The following SOCS7 variants were observed in gnomAD, a reference collection of about 807,000 sequenced individuals.
SOCS7 encodes the protein suppressor of cytokine signaling 7, also known as NAP-4.
A neutral mutation model predicts 58.9 loss-of-function variants in SOCS7; 18 were observed. The observed-to-expected ratio is 0.31, with a 90% confidence interval of 0.21 to 0.45. The LOEUF (loss-of-function observed/expected upper bound fraction) is 0.45. SOCS7 is among the 20% of genes least tolerant of loss of function. SOCS7 has a pLI of 1.00. For missense variants in SOCS7, 667 were observed against 837.3 expected (o/e 0.80, Z 2.51); for synonymous variants, 388 against 364.3 (o/e 1.06, Z -0.74).
intron 1 of SOCS7, among the ~76,000 whole-genome samples, chr17:38,355,182 C>T (rs777115173): frequency 6.6e-6 from 1 of 152,206 alleles, no homozygotes; most frequent in Non-Finnish European, 1.5e-5. Flanking sequence ...TCCGTGTAAA[C>T]TCCAACATCA....
intron 3 of SOCS7, 147 bp from the exon 4 acceptor site, chr17:38,365,161 G>C (rs1227602618): frequency 4.8e-6 from 3 of 619,640 alleles, no homozygotes; most frequent in African/African-American, 3.7e-5. Context: ...TAAGATGATT[G>C]TTGCCCTCTG....
chr17:38,352,091 G>A lies in SOCS7; in HGVS notation c.39G>A (p.Ala13=). The change falls in exon 1 of 10, where the codon GCG becomes GCA. Residue 13 remains alanine (A), a synonymous_variant. Coordinates refer to ENST00000612932, the MANE Select transcript of SOCS7 (RefSeq NM_014598.4). This position sits in a 1 kb window ranked among gnomAD's most constrained non-coding sequence, Gnocchi z 5.5. ...EAELRDGEAA[A]AAASYRVLSR... ...AGCTCCGGGATGGCGAGGCGGCGGC[G>A]GCGGCCGCTTCGTACCGCGTCCTGA... The A allele has an allele frequency of 1.8e-6, 1 of 543,306 alleles. No homozygotes were observed. The highest frequency in any genetic ancestry group is 2.7e-6 in the Non-Finnish European group (1 of 372,948). 33.7% of individuals were successfully genotyped at this position (543,306 alleles called of 1,614,324 possible). A position where few individuals can be genotyped will look rare whatever the true frequency, so the allele number is the denominator to read the frequency against.
chr17:38,390,640 TTTCCTTCC>T (rs60020052), intron 7 of SOCS7, among the ~76,000 whole-genome samples: 10,248 of 114,332 alleles, frequency 0.09, 573 homozygotes, highest in Admixed American at 0.12. Flanking sequence ...TTTTGTTCGT[TTTCCTTCC>T]TTCCTTCCTT....
At chr17:38,394,404 A>G (rs928103545) in intron 7 of SOCS7, among the ~76,000 whole-genome samples, 1 of 152,118 alleles carries the variant, frequency 6.6e-6, no homozygotes, top group Admixed American at 6.6e-5. Flanking sequence ...AGGTAGCTAA[A>G]CCTGATTATC....
At chr17:38,356,585 G>A (rs1488363855) in intron 1 of SOCS7, among the ~76,000 whole-genome samples, 2 of 151,848 alleles carry the variant, frequency 1.3e-5, no homozygotes, top group Non-Finnish European at 2.9e-5. Flanking sequence ...GGCTGGTCTC[G>A]AACTCCTGAG....
In SOCS7 at chr17:38,404,093, T is replaced by C. The variant is rs1453203627; in HGVS notation, c.*4611T>C. Reference sequence around the variant, plus strand: ...CCCTGTGGTAGACCCTGCTTTCACATTGGAGCCTTCACACTCAGCACAAAA... The same window carrying C: ...CCCTGTGGTAGACCCTGCTTTCACACTGGAGCCTTCACACTCAGCACAAAA... On this transcript the variant is annotated 3_prime_UTR_variant, in exon 10 of 10. Coordinates refer to ENST00000612932, the MANE Select transcript of SOCS7 (RefSeq NM_014598.4). 6.6e-6 allele frequency: 1 copy of C among 152,090 alleles called. No homozygotes were observed. The highest frequency in any genetic ancestry group is 1.5e-5 in the Non-Finnish European group (1 of 68,026). 9.4% of individuals were successfully genotyped at this position (152,090 alleles called of 1,614,324 possible).
chr17:38,363,038 C>T (rs1261496106), intron 2 of SOCS7, among the ~76,000 whole-genome samples: 1 of 151,960 alleles, frequency 6.6e-6, no homozygotes, highest in Non-Finnish European at 1.5e-5. Context: ...CGCTTGAACC[C>T]GAGAGGCTGA....
intron 1 of SOCS7, among the ~76,000 whole-genome samples, chr17:38,360,437 C>A (rs2037701713): frequency 6.6e-6 from 1 of 151,928 alleles, no homozygotes. Context: ...GTGATCTGCC[C>A]ACCTTGGCCT....
intron 7 of SOCS7, among the ~76,000 whole-genome samples, chr17:38,391,865 G>C (rs1372877972): frequency 1.3e-5 from 2 of 152,186 alleles, no homozygotes; most frequent in African/African-American, 2.4e-5. Context: ...TCAGGGGTCA[G>C]AAAAACCTTT....
chr17:38,377,611 C>A, intron 6 of SOCS7, 103 bp from the exon 7 acceptor site: 2 of 1,100,122 alleles, frequency 1.8e-6, no homozygotes, highest in Non-Finnish European at 2.5e-6. Flanking sequence ...TGCCCCCAAA[C>A]TGCCCTCCCA....
At chr17:38,372,059 T>A (rs1347589203) in intron 6 of SOCS7, among the ~76,000 whole-genome samples, 1 of 152,124 alleles carries the variant, frequency 6.6e-6, no homozygotes, top group Non-Finnish European at 1.5e-5. Flanking sequence ...TATATATAGT[T>A]GACCCTTGAA....
chr17:38,395,965 G>A lies in SOCS7; in HGVS notation c.1935G>A (p.Thr645=), dbSNP rs777101615. 2.3e-5 allele frequency: 37 copies of A among 1,600,750 alleles called. No individual in the cohort carries two copies. Among genetic ancestry groups the A allele is most frequent in the East Asian group, 1.6e-4 (7 of 44,698 alleles). ...SKQKQEVEPS[T] ...AGAAGCAAGAGGTGGAACCCTCCAC[G>A]TAGCGAGGGGCTCCCTGCTGGTCAC... The change falls in exon 9 of 10, where the codon ACG becomes ACA. Residue 645 remains threonine (T), a synonymous_variant. Transcript: ENST00000612932.
At chr17:38,370,400 T>A (rs552223956) in intron 6 of SOCS7, among the ~76,000 whole-genome samples, 1 of 152,130 alleles carries the variant, frequency 6.6e-6, no homozygotes, top group South Asian at 2.1e-4. Flanking sequence ...AGTGTAGTGG[T>A]GAGATCATGC....
At chr17:38,378,361 A>T (rs1360084855) in intron 7 of SOCS7, among the ~76,000 whole-genome samples, 3 of 152,006 alleles carry the variant, frequency 2.0e-5, no homozygotes, top group Admixed American at 6.6e-5. Context: ...AAAAAAATAA[A>T]AAATTAGCCA....
chr17:38,359,975 A>T (rs2037694391), intron 1 of SOCS7, among the ~76,000 whole-genome samples: 1 of 151,654 alleles, frequency 6.6e-6, no homozygotes, highest in African/African-American at 2.4e-5. Flanking sequence ...ACGAGGTTTC[A>T]TCATGTTGCC....
chr17:38,379,624 C>G (rs888318024), intron 7 of SOCS7, among the ~76,000 whole-genome samples: 5 of 152,048 alleles, frequency 3.3e-5, no homozygotes, highest in Admixed American at 2.0e-4. Flanking sequence ...AGACTAGGAA[C>G]AGGTTGAGCC....
intron 7 of SOCS7, among the ~76,000 whole-genome samples, chr17:38,390,452 T>C (rs1008538424): frequency 2.0e-5 from 3 of 152,182 alleles, no homozygotes; most frequent in Non-Finnish European, 4.4e-5. Flanking sequence ...CAAAGAAGCC[T>C]ACTGAGATTT....
chr17:38,366,299 G>A lies in SOCS7; in HGVS notation c.1265G>A (p.Arg422Gln), dbSNP rs201354583. ...TCTTGCCCTGCAGATGCATTTCCCC[G>A]GATTGCTCCCATCCGAGCAGCTGAA... ...PPPHAPDAFPRIAPIRAAESL... is the reference protein window; with the variant it reads ...PPPHAPDAFPQIAPIRAAESL... The change falls in exon 5 of 10, where the codon CGG (arginine) becomes CAG (glutamine). Residue 422 changes from arginine (R) to glutamine (Q), a missense_variant. By Grantham distance (43) the Arg-to-Gln change is conservative. Around this residue, in one of 9 missense-constraint regions of SOCS7, gnomAD observed 99 missense variants for 122.9 expected, o/e 0.81. Coordinates refer to ENST00000612932, the MANE Select transcript of SOCS7 (RefSeq NM_014598.4). 16 of 1,614,100 alleles carry A rather than the reference G, an allele frequency of 9.9e-6. No individual in the cohort carries two copies. The highest frequency in any genetic ancestry group is 9.9e-5 in the South Asian group (9 of 91,080).
At chr17:38,367,248 A>G (rs980617607) in intron 5 of SOCS7, among the ~76,000 whole-genome samples, 1 of 151,948 alleles carries the variant, frequency 6.6e-6, no homozygotes, top group African/African-American at 2.4e-5. Flanking sequence ...TATTTTTAGT[A>G]GAAATGGGGT....
Sources: gnomAD v4.1 joint callset for allele counts (sites outside exome capture counted in the v4.1 genomes callset) on GRCh38, gnomAD v4.1.1 for gene constraint, gnomAD v4.1.1 regional missense constraint, Gnocchi (gnomAD v3.1) non-coding constraint, MANE v1.5 for transcripts, NCBI Gene and HGNC (gene_info 2026-07-23, HGNC 2026-07-21) for gene names.